The following MAP2K2 variants were observed in gnomAD, a reference collection of about 807,000 sequenced individuals.
MAP2K2 encodes dual specificity mitogen-activated protein kinase kinase 2.
Under a neutral mutation model 43.7 loss-of-function variants are expected in MAP2K2, and 24 were observed. The observed-to-expected ratio is 0.55, with a 90% CI of 0.40 to 0.77. The LOEUF (loss-of-function observed/expected upper bound fraction) is 0.77, where lower values mean the gene tolerates loss of function less well. Among genes scored for constraint, MAP2K2 ranks in the 30% least tolerant of loss-of-function variants. MAP2K2 has a pLI of 0.00. For missense variants in MAP2K2, 470 were observed against 566.8 expected, an observed-to-expected ratio of 0.83 and a Z score of 1.73; for synonymous variants, 244 against 239.7, an observed-to-expected ratio of 1.02 and a Z score of -0.17.
In MAP2K2 at chr19:4,090,329, T is replaced by C. The variant is rs2040842499; in HGVS notation, c.*269A>G. Reference sequence around the variant, plus strand: ...GAAGCAGGATGGCGCGGTTTGCTTTTTCTCTCCCTGTTTTGTTTTGTAACC... The same window carrying C: ...GAAGCAGGATGGCGCGGTTTGCTTTCTCTCTCCCTGTTTTGTTTTGTAACC... On this transcript the variant is annotated 3_prime_UTR_variant, in exon 11 of 11. Transcript: ENST00000262948. 5.2e-6 allele frequency: 3 copies of C among 578,396 alleles called. No individual in the cohort carries two copies. Among genetic ancestry groups the C allele is most frequent in the Non-Finnish European group, 9.3e-6 (3 of 322,328 alleles). The allele number at this position is 578,396 out of a possible 1,614,324, so 35.8% of individuals were successfully genotyped here. A position where few individuals can be genotyped will look rare whatever the true frequency, so the allele number is the denominator to read the frequency against.
intron 3 of MAP2K2, among the ~76,000 whole-genome samples, chr19:4,105,687 CTCTT>C (rs879923366): frequency 1.2e-4 from 18 of 152,242 alleles, no homozygotes; most frequent in South Asian, 6.2e-4. Context: ...CTTCATCTCT[CTCTT>C]TCTTTCTTTC....
At chr19:4,097,203 CCTAA>C in intron 8 of MAP2K2, 72 bp downstream of exon 8, 1 of 793,220 alleles carries the variant, frequency 1.3e-6, no homozygotes, top group Non-Finnish European at 1.8e-6. Context: ...AGAGACTCTG[CCTAA>C]AAAAAAAAAA....
intron 6 of MAP2K2, 154 bp downstream of exon 6, chr19:4,100,865 G>T: frequency 1.1e-6 from 1 of 871,586 alleles, no homozygotes. Flanking sequence ...GTGGGAGGCG[G>T]GGAGAGCTGC....
intron 2 of MAP2K2, among the ~76,000 whole-genome samples, chr19:4,111,722 G>A (rs537982301): frequency 4.6e-5 from 7 of 152,350 alleles, no homozygotes; most frequent in Non-Finnish European, 1.0e-4. Flanking sequence ...GGGAGGCTGA[G>A]GTGGGCGGAC....
In MAP2K2 at chr19:4,097,348, A is replaced by C; in HGVS notation, c.920-5T>G. ...GCCGGCTATCCATCCCGTGACCTGC[A>C]CAGGGAGAGAGATGGAGGTGAGATG... On this transcript the variant is annotated splice_region_variant and splice_polypyrimidine_tract_variant and intron_variant, in intron 7 of 10. Transcript: ENST00000262948. 6.2e-7 allele frequency: 1 copy of C among 1,610,890 alleles called. No homozygotes were observed. Among genetic ancestry groups the C allele is most frequent in the Non-Finnish European group, 8.5e-7 (1 of 1,178,014 alleles).
intron 3 of MAP2K2, among the ~76,000 whole-genome samples, chr19:4,105,942 A>G (rs895883578): frequency 6.6e-6 from 1 of 152,078 alleles, no homozygotes; most frequent in Non-Finnish European, 1.5e-5. Flanking sequence ...GGATCACAGG[A>G]GTGAGCACCT....
Position 4,103,173 on chromosome 19 carries a change from T to C in MAP2K2, c.451-720A>G, listed in dbSNP as rs911635331. ...GTAACCTCGGCCCCTCCCCACAGCC[T>C]GTGGTCTCCTCGCCACTGTGCCGGG... is the stretch of plus-strand genomic sequence containing the variant. On this transcript the variant is annotated intron_variant, in intron 3 of 10. Transcript: ENST00000262948. 158 of 990,940 alleles carry C rather than the reference T, an allele frequency of 1.6e-4. 1 individual carries two copies. The highest frequency in any genetic ancestry group is 1.9e-4 in the Non-Finnish European group (157 of 833,558). The allele number at this position is 990,940 out of a possible 1,614,324, so 61.4% of individuals were successfully genotyped here.
chr19:4,094,500 T>C lies in MAP2K2; in HGVS notation c.1047-2A>G. 1 of 1,569,780 alleles carries C rather than the reference T, an allele frequency of 6.4e-7. No individual in the cohort carries two copies. ...CGCTCCGCTGGGTTCTTGATGAGGCTGGGGGTTCCAAGAGGCAGGACCGGG... is the reference window on the plus strand; with the variant it reads ...CGCTCCGCTGGGTTCTTGATGAGGCCGGGGGTTCCAAGAGGCAGGACCGGG... On this transcript the variant is annotated splice_acceptor_variant, in intron 9 of 10. Coordinates refer to ENST00000262948, the MANE Select transcript of MAP2K2 (RefSeq NM_030662.4). LOFTEE classifies it high-confidence loss of function.
At chr19:4,100,875 C>A (rs910524917) in intron 6 of MAP2K2, 144 bp downstream of exon 6, 1 of 949,950 alleles carries the variant, frequency 1.1e-6, no homozygotes, top group South Asian at 1.6e-5. Flanking sequence ...GGGAGAGCTG[C>A]GCAGGAGAAC....
chr19:4,090,466 C>A lies in MAP2K2; in HGVS notation c.*132G>T. ...CCCGTTCCTGCATGCGCTGTCGCCC[C>A]GCCACGGTGCTCTCCGCAGGGGTGA... On this transcript the variant is annotated 3_prime_UTR_variant, in exon 11 of 11. Coordinates refer to ENST00000262948, the MANE Select transcript of MAP2K2 (RefSeq NM_030662.4). 2 of 806,530 alleles carry A rather than the reference C, an allele frequency of 2.5e-6. No homozygotes were observed. The highest frequency in any genetic ancestry group is 4.2e-6 in the Non-Finnish European group (2 of 480,846). The allele number at this position is 806,530 out of a possible 1,614,324, so 50.0% of individuals were successfully genotyped here.
intron 10 of MAP2K2, among the ~76,000 whole-genome samples, chr19:4,092,367 G>C (rs1327306644): frequency 2.0e-5 from 3 of 152,168 alleles, no homozygotes; most frequent in African/African-American, 7.2e-5. Flanking sequence ...GGGAGACCTA[G>C]GTGGGTGGAT....
chr19:4,121,541 C>A (rs1235955224), intron 1 of MAP2K2, among the ~76,000 whole-genome samples: 20 of 120,666 alleles, frequency 1.7e-4, no homozygotes, highest in Non-Finnish European at 3.1e-4. Flanking sequence ...ACCCCTAGGA[C>A]CCCCTGCTCT....
chr19:4,099,710 C>T (rs1464104564), intron 6 of MAP2K2: 4 of 466,598 alleles, frequency 8.6e-6, no homozygotes, highest in African/African-American at 7.8e-5. Flanking sequence ...GCAGGGGCCT[C>T]CTCCTCCACA....
At chr19:4,097,255 A>AGCCAAAAG (rs747086888) in intron 8 of MAP2K2, 24 bp downstream of exon 8, 16 of 1,577,112 alleles carry the variant, frequency 1.0e-5, no homozygotes, top group Middle Eastern at 1.7e-4. Context: ...GGAAAAGAAA[A>AGCCAAAAG]GCCAAAAGGC....
chr19:4,099,178 G>C (rs753982568), intron 7 of MAP2K2, 23 bp downstream of exon 7: 8 of 1,584,478 alleles, frequency 5.0e-6, no homozygotes, highest in South Asian at 1.1e-5. Flanking sequence ...GTCCAGACCG[G>C]AAGTTGCAGA....
At chr19:4,113,281 G>C (rs759355405) in intron 2 of MAP2K2, among the ~76,000 whole-genome samples, 2 of 152,144 alleles carry the variant, frequency 1.3e-5, no homozygotes, top group African/African-American at 2.4e-5. Context: ...AGGCGAGGGA[G>C]GCCAGTCTGC....
chr19:4,095,414 G>A lies in MAP2K2; in HGVS notation c.1020C>T (p.Pro340=), dbSNP rs192389729. 402 of 1,551,270 alleles carry A rather than the reference G, an allele frequency of 2.6e-4. 5 individuals carry two copies. In the South Asian group the frequency reaches 3.7e-3, roughly 14 times the overall value. ...PPKLPNGVFT[P]DFQEFVNKCL... ...ATTTATTGACAAACTCCTGGAAGTC[G>A]GGGGTGAACACACCGTTGGGCAGCT... Residue 340 remains proline, a synonymous_variant, in exon 9 of 11, where the codon CCC becomes CCT. Coordinates refer to ENST00000262948, the MANE Select transcript of MAP2K2 (RefSeq NM_030662.4).
At chr19:4,093,670 C>A (rs1340649794) in intron 10 of MAP2K2, among the ~76,000 whole-genome samples, 1 of 152,106 alleles carries the variant, frequency 6.6e-6, no homozygotes, top group Non-Finnish European at 1.5e-5. Context: ...GTCTGGGCGA[C>A]AGAGTGAGAC....
At chr19:4,116,621 T>C (rs2041224129) in intron 2 of MAP2K2, among the ~76,000 whole-genome samples, 1 of 152,176 alleles carries the variant, frequency 6.6e-6, no homozygotes, top group Non-Finnish European at 1.5e-5. Context: ...GAAAGCCCAT[T>C]CCACACCCAG....
Sources: allele counts gnomAD v4.1 joint callset (sites outside exome capture counted in the v4.1 genomes callset), GRCh38; gene constraint gnomAD v4.1.1; transcripts MANE v1.5; gene names NCBI Gene and HGNC (gene_info 2026-07-23, HGNC 2026-07-21).